Variants in ACCSL observed in about 807,000 individuals in gnomAD.
ACCSL encodes probable inactive 1-aminocyclopropane-1-carboxylate synthase-like protein 2.
ACCSL carries 55 observed loss-of-function variants against 61.7 expected under a neutral mutation model. The observed-to-expected ratio is 0.89, with a 90% CI of 0.72 to 1.12. ACCSL has a LOEUF of 1.12. Ranked by LOEUF, ACCSL falls within the 50% of genes most tolerant of loss-of-function variation. The pLI is 0.00. For missense variants in ACCSL, 632 were observed against 698.0 expected (o/e 0.91, Z 1.07); for synonymous variants, 258 against 264.3 (o/e 0.98, Z 0.23).
intron 3 of ACCSL, 84 bp from the exon 4 acceptor site, chr11:44,051,251 C>A: frequency 2.1e-6 from 3 of 1,412,768 alleles, no homozygotes; most frequent in Non-Finnish European, 2.0e-6. Context: ...GAAAAGGTCC[C>A]TGTTAGGCTG....
chr11:44,018,588 T>C, the ACCSL span, among the ~76,000 whole-genome samples: 1 of 152,252 alleles, frequency 6.6e-6, no homozygotes, highest in East Asian at 1.9e-4. Flanking sequence ...CCTTTCAGGG[T>C]CCATTCTAGA....
chr11:44,005,611 C>T, the ACCSL span, among the ~76,000 whole-genome samples: 1 of 152,026 alleles, frequency 6.6e-6, no homozygotes, highest in African/African-American at 2.4e-5. Flanking sequence ...GCACTGTGCT[C>T]CGTGCTTTGC....
chr11:44,023,062 TCGAG>T, the ACCSL span, among the ~76,000 whole-genome samples: 3 of 119,528 alleles, frequency 2.5e-5, no homozygotes, highest in Non-Finnish European at 5.1e-5. Flanking sequence ...TTTTTTTTTT[TCGAG>T]AAAGAGTCTC....
At position 44,058,553 on chromosome 11, in the gene ACCSL, A is replaced by G. The variant is rs1565160672; in HGVS notation, c.1478A>G (p.Asp493Gly). The G allele has an allele frequency of 1.2e-6, 2 of 1,613,942 alleles. No individual in the cohort carries two copies. Among genetic ancestry groups the G allele is most frequent in the Non-Finnish European group, 1.7e-6 (2 of 1,179,932 alleles). The change falls in exon 13 of 14, where the codon GAT becomes GGT. Residue 493 changes from aspartate (D) to glycine (G), a missense_variant. Transcript: ENST00000378832. ...YVWINLKKYL[D>G]PCTFEEERLL... ...TTCCTCTGCCCTCCCTAGTACCTGGATCCCTGTACATTTGAAGAAGAACGG... is the reference window on the plus strand; with the variant it reads ...TTCCTCTGCCCTCCCTAGTACCTGGGTCCCTGTACATTTGAAGAAGAACGG...
the ACCSL span, among the ~76,000 whole-genome samples, chr11:43,983,366 T>G: frequency 1.5e-3 from 222 of 152,326 alleles, 1 homozygote; most frequent in African/African-American, 4.9e-3. Context: ...TCTGTACTCA[T>G]CCGGAAATAT....
the ACCSL span, among the ~76,000 whole-genome samples, chr11:43,967,498 C>T: frequency 6.6e-6 from 1 of 152,016 alleles, no homozygotes; most frequent in Non-Finnish European, 1.5e-5. Flanking sequence ...CCAGTTCTCA[C>T]TTCATCTCCC....
the ACCSL span, among the ~76,000 whole-genome samples, chr11:44,006,970 G>A: frequency 6.6e-6 from 1 of 152,160 alleles, no homozygotes; most frequent in African/African-American, 2.4e-5. Flanking sequence ...GACCCTAGAC[G>A]AGCGTCAAGA....
At chr11:43,982,206 C>G in the ACCSL span, among the ~76,000 whole-genome samples, 12 of 150,130 alleles carry the variant, frequency 8.0e-5, no homozygotes, top group Non-Finnish European at 1.6e-4. Context: ...TCTGTCCTGC[C>G]TCTCCCACCC....
the ACCSL span, chr11:43,943,672 C>T: frequency 7.7e-7 from 1 of 1,304,870 alleles, no homozygotes; most frequent in South Asian, 1.2e-5. The surrounding 1 kb of genome is among the most constrained non-coding windows in gnomAD (Gnocchi z 4.8). Context: ...CCCATTCACA[C>T]TCACGCCAAC....
the ACCSL span, among the ~76,000 whole-genome samples, chr11:43,942,054 G>C: frequency 1.3e-5 from 2 of 150,682 alleles, no homozygotes; most frequent in African/African-American, 5.0e-5. Flanking sequence ...GTGTGTGTGT[G>C]TGTGTGTGTG....
At chr11:44,041,534 T>C in the ACCSL span, among the ~76,000 whole-genome samples, 1 of 152,224 alleles carries the variant, frequency 6.6e-6, no homozygotes, top group South Asian at 2.1e-4. Flanking sequence ...ATATGCAACA[T>C]AGGCATAGCT....
chr11:43,923,542 G>A, the ACCSL span, among the ~76,000 whole-genome samples: 1 of 152,232 alleles, frequency 6.6e-6, no homozygotes, highest in East Asian at 1.9e-4. Context: ...ACACGCATGT[G>A]AGACCCTTGT....
the ACCSL span, chr11:43,943,656 C>A: frequency 1.5e-6 from 2 of 1,305,152 alleles, no homozygotes; most frequent in Non-Finnish European, 2.0e-6. The surrounding 1 kb of genome is among the most constrained non-coding windows in gnomAD (Gnocchi z 4.8). Context: ...TGCCCCCCAG[C>A]GCACACCCAT....
chr11:44,017,723 C>T, the ACCSL span, among the ~76,000 whole-genome samples: 4 of 152,284 alleles, frequency 2.6e-5, no homozygotes, highest in South Asian at 8.3e-4. Flanking sequence ...ATAAGAGCTC[C>T]TGCTGTACAG....
chr11:44,031,841 G>A, the ACCSL span, among the ~76,000 whole-genome samples: 21 of 152,262 alleles, frequency 1.4e-4, no homozygotes, highest in Admixed American at 8.5e-4. Flanking sequence ...GGATGGTGGC[G>A]GATGCAGGTG....
intron 11 of ACCSL, among the ~76,000 whole-genome samples, chr11:44,057,494 G>T (rs11825968): frequency 0.015 from 2,332 of 152,296 alleles, 62 homozygotes; most frequent in African/African-American, 0.053. Flanking sequence ...TTCCCAGGGA[G>T]CTTAAATACT....
chr11:43,940,655 C>T, the ACCSL span, among the ~76,000 whole-genome samples: 2 of 152,170 alleles, frequency 1.3e-5, no homozygotes, highest in Admixed American at 6.5e-5. Flanking sequence ...CCACCGCACC[C>T]GGCTGAAATT....
the ACCSL span, among the ~76,000 whole-genome samples, chr11:43,969,804 C>T: frequency 6.6e-6 from 1 of 152,146 alleles, no homozygotes; most frequent in Non-Finnish European, 1.5e-5. Flanking sequence ...TCACTGGAAA[C>T]GGGCCAGAAA....
the ACCSL span, among the ~76,000 whole-genome samples, chr11:44,020,407 A>G: frequency 9.3e-4 from 142 of 152,220 alleles, no homozygotes; most frequent in African/African-American, 3.3e-3. Context: ...ATTGTTCTTG[A>G]TATTACAAGG....
Sources: allele counts gnomAD v4.1 joint callset (sites outside exome capture counted in the v4.1 genomes callset), GRCh38; gene constraint gnomAD v4.1.1; non-coding constraint Gnocchi (gnomAD v3.1); transcripts MANE v1.5; gene names NCBI Gene and HGNC (gene_info 2026-07-23, HGNC 2026-07-21).